The following PLCH2 variants were observed in gnomAD, a reference collection of about 807,000 sequenced individuals.
PLCH2 encodes 1-phosphatidylinositol 4,5-bisphosphate phosphodiesterase eta-2.
In PLCH2, 98 loss-of-function variants were observed where a neutral mutation model predicts 134.7. That is an observed-to-expected ratio of 0.73 (90% CI 0.62 to 0.86). The LOEUF (loss-of-function observed/expected upper bound fraction) is 0.86. Ranked by LOEUF, PLCH2 falls within the 40% of genes least tolerant of loss-of-function variation. The probability of loss-of-function intolerance (pLI) is 0.00; values close to 1 mark genes in which losing one functional copy is unlikely to be tolerated. For missense variants in PLCH2, 1,994 were observed against 1,986.6 expected (o/e 1.00, Z -0.07); for synonymous variants, 974 against 827.5 (o/e 1.18, Z -3.04).
the PLCH2 span, among the ~76,000 whole-genome samples, chr1:2,418,009 A>C: frequency 6.6e-6 from 1 of 152,176 alleles, no homozygotes; most frequent in Admixed American, 6.5e-5. Context: ...TCTGGTGAGA[A>C]GAGGCTGAGC....
Position 2,504,358 on chromosome 1 carries a change from G to A in PLCH2, c.3396G>A (p.Gln1132=), listed in dbSNP as rs1382627348. The part of the protein sequence containing the change: ...SDATGSDPLW[Q]RLEPCGHRDS... ...CCACGGGCAGTGACCCGCTGTGGCA[G>A]CGGCTGGAGCCATGTGGCCACCGAG... The change falls in exon 22 of 22, where the codon CAG becomes CAA. Residue 1132 remains glutamine, a synonymous_variant. Coordinates refer to ENST00000378486, the MANE Select transcript of PLCH2 (RefSeq NM_014638.4). 27 of 1,610,306 alleles carry A rather than the reference G, an allele frequency of 1.7e-5. No homozygotes were observed. The highest frequency in any genetic ancestry group is 2.3e-5 in the Non-Finnish European group (27 of 1,179,520).
chr1:2,472,987 G>T (rs116124934), upstream of PLCH2, among the ~76,000 whole-genome samples: 1 of 152,144 alleles, frequency 6.6e-6, no homozygotes, highest in East Asian at 1.9e-4. Context: ...TTCCCCAGGG[G>T]AGAGGCGGAG....
chr1:2,483,763 T>TGGGGGGGCGCTGACCCCCGTG (rs1558004576), intron 4 of PLCH2, among the ~76,000 whole-genome samples: 1 of 34,478 alleles, frequency 2.9e-5, no homozygotes, highest in Non-Finnish European at 6.2e-5. Context: ...TGACCCCCGT[T>TGGGGGGGCGCTGACCCCCGTG]TGGGGGGGCG....
chr1:2,497,322 T>G (rs1642950308), intron 15 of PLCH2, among the ~76,000 whole-genome samples, 180 bp from the exon 16 acceptor site: 1 of 152,156 alleles, frequency 6.6e-6, no homozygotes, highest in Admixed American at 6.5e-5. Context: ...CTCCAGGATG[T>G]GCTGGCCTCA....
chr1:2,498,530 C>T lies in PLCH2; in HGVS notation c.2232C>T (p.Phe744=). 6.2e-7 allele frequency: 1 copy of T among 1,608,040 alleles called. No individual in the cohort carries two copies. Among genetic ancestry groups the T allele is most frequent in the Non-Finnish European group, 8.5e-7 (1 of 1,178,934 alleles). ...LKPGCMCQGV[F]NPNSEDPLPG... ...TCCCCGGCATCCCCTCAGGCGTGTT[C>T]AACCCCAACTCGGAGGACCCCCTGC... The change falls in exon 17 of 22, where the codon TTC becomes TTT. Residue 744 remains phenylalanine (F), a synonymous_variant. Coordinates refer to ENST00000378486, the MANE Select transcript of PLCH2 (RefSeq NM_014638.4). The surrounding 1 kb of genome is among the most constrained non-coding windows in gnomAD (Gnocchi z 5.4).
chr1:2,418,114 C>T, the PLCH2 span, among the ~76,000 whole-genome samples: 4 of 152,330 alleles, frequency 2.6e-5, no homozygotes, highest in Admixed American at 6.5e-5. Flanking sequence ...GACGTGTGAC[C>T]GGTGCGAGGC....
intron 2 of PLCH2, among the ~76,000 whole-genome samples, chr1:2,442,034 C>T (rs1013251989): frequency 9.9e-5 from 15 of 152,180 alleles, no homozygotes; most frequent in Non-Finnish European, 1.9e-4. Flanking sequence ...CTGCCTGGTG[C>T]TCCTGGAAAG....
At chr1:2,478,949 C>T (rs775465699) in intron 2 of PLCH2, 2 of 350,622 alleles carry the variant, frequency 5.7e-6, no homozygotes, top group Admixed American at 4.1e-5. Flanking sequence ...TAAACAGAAA[C>T]GACCCCCACA....
Position 2,479,685 on chromosome 1 carries a change from G to A in PLCH2, c.272-49G>A, listed in dbSNP as rs769719383. 17 of 1,502,200 alleles carry A rather than the reference G, an allele frequency of 1.1e-5. No individual in the cohort carries two copies. The South Asian group carries it at 1.8e-4, about 16-fold the overall frequency. The allele number at this position is 1,502,200 out of a possible 1,614,324, so 93.1% of individuals were successfully genotyped here. A position where few individuals can be genotyped will look rare whatever the true frequency, so the allele number is the denominator to read the frequency against. Reference sequence around the variant, plus strand: ...GCAGTGTTGGGGCTGCCAGCAGGGGGACGCTGGGCCCCCGGGGACCTGACC... The same window carrying A: ...GCAGTGTTGGGGCTGCCAGCAGGGGAACGCTGGGCCCCCGGGGACCTGACC... On this transcript the variant is annotated intron_variant, in intron 2 of 21. Transcript: ENST00000378486.
rs958848256 is a variant in PLCH2 at position 2,448,545 on chromosome 1, T to G, written c.115+17916T>G. On this transcript the variant is annotated intron_variant, in intron 2 of 3. Transcript: ENST00000609981. The surrounding 1 kb of genome is among the most constrained non-coding windows in gnomAD (Gnocchi z 4.0). ...TCACTGAGCACGCCCTCAGAGACCCTTTTTCCAAATAAGGCCAAATTCACA... is the reference window on the plus strand; with the variant it reads ...TCACTGAGCACGCCCTCAGAGACCCGTTTTCCAAATAAGGCCAAATTCACA... Among the ~76,000 whole-genome samples the G allele has an allele frequency of 6.6e-6, 1 of 152,134 alleles. No individual in the cohort carries two copies. Among genetic ancestry groups the G allele is most frequent in the Non-Finnish European group, 1.5e-5 (1 of 68,020 alleles).
At position 2,476,642 on chromosome 1, in the gene PLCH2, G is replaced by C. The variant is rs1641642688; in HGVS notation, c.54G>C (p.Trp18Cys). 2 of 1,606,822 alleles carry C rather than the reference G, an allele frequency of 1.2e-6. No homozygotes were observed. The highest frequency in any genetic ancestry group is 2.7e-5 in the African/African-American group (2 of 74,972). ...PDSRTKGTVAWLAEVLLWVGG... is the reference protein window; with the variant it reads ...PDSRTKGTVACLAEVLLWVGG... The stretch of plus-strand genomic sequence containing the variant: ...GCCGGACCAAGGGAACGGTGGCCTG[G>C]CTGGCGGAGGTACTCCTCTGGGTTG... The change falls in exon 1 of 22, where the codon TGG (tryptophan) becomes TGC (cysteine). Residue 18 changes from tryptophan to cysteine, a missense_variant. This residue lies in a region of PLCH2 where 1,094 missense variants were observed against 1,234.3 expected (regional missense o/e 0.89). Transcript: ENST00000378486.
chr1:2,489,099 A>AC lies in PLCH2; in HGVS notation c.1236-104dup. 9 of 994,262 alleles carry AC rather than the reference A, an allele frequency of 9.1e-6. 1 individual carries two copies. The Middle Eastern group carries it at 2.3e-3, about 250-fold the overall frequency. The allele number at this position is 994,262 out of a possible 1,614,324, so 61.6% of individuals were successfully genotyped here. ...CAGCTATCCTGGGTTCCTGGTGAAG[A>AC]CCCCTCCTCATTCAATGGTTTAGAT... On this transcript the variant is annotated intron_variant, in intron 8 of 21. Transcript: ENST00000378486.
intron 2 of PLCH2, among the ~76,000 whole-genome samples, chr1:2,440,628 C>T (rs1031200010): frequency 5.8e-5 from 5 of 86,272 alleles, no homozygotes; most frequent in East Asian, 1.3e-3. Flanking sequence ...TGGCCTTGCC[C>T]GGCCCGCCAG....
chr1:2,432,325 C>G (rs778148641), intron 2 of PLCH2, among the ~76,000 whole-genome samples: 2 of 152,184 alleles, frequency 1.3e-5, no homozygotes, highest in Non-Finnish European at 2.9e-5. Context: ...AGCACTCCGG[C>G]TGGGACTGGG....
intron 2 of PLCH2, among the ~76,000 whole-genome samples, chr1:2,432,431 C>G (rs568548610): frequency 6.6e-6 from 1 of 152,220 alleles, no homozygotes; most frequent in Non-Finnish European, 1.5e-5. Flanking sequence ...CAGCACACCC[C>G]GTCCCCTGTG....
rs1640057618 is a variant in PLCH2, at chr1:2,448,711, C to G, written c.115+18082C>G. On this transcript the variant is annotated intron_variant, in intron 2 of 3. Transcript: ENST00000609981. This position sits in a 1 kb window ranked among gnomAD's most constrained non-coding sequence, Gnocchi z 4.0. ...AGGTCCCACAGGCCCCCTGGCGCAG[C>G]CTCCTGGCTCCCCACCATCCCCCCT... 6.6e-6 allele frequency among the ~76,000 whole-genome samples: 1 copy of G among 151,980 alleles called. No homozygotes were observed. The highest frequency in any genetic ancestry group is 6.6e-5 in the Admixed American group (1 of 15,262).
chr1:2,487,373 G>A lies in PLCH2; in HGVS notation c.1111G>A (p.Glu371Lys). 6.2e-7 allele frequency: 1 copy of A among 1,612,316 alleles called. No individual in the cohort carries two copies. The highest frequency in any genetic ancestry group is 8.5e-7 in the Non-Finnish European group (1 of 1,179,178). ...WVLQAGCRCV[E>K]VDCWDGPDGE... ...CCTGCAGGCTGGCTGCCGCTGCGTGGAGGGTAAGCCCTGGACCTTGGGTGA... is the reference window on the plus strand; with the variant it reads ...CCTGCAGGCTGGCTGCCGCTGCGTGAAGGGTAAGCCCTGGACCTTGGGTGA... Residue 371 changes from glutamate (E) to lysine (K), a missense_variant, in exon 7 of 22, where the codon GAG (glutamate) becomes AAG (lysine). Physicochemically the swap from Glu to Lys is moderately conservative, Grantham distance 56. Around this residue, in one of 2 missense-constraint regions of PLCH2, gnomAD observed 1,094 missense variants for 1,234.3 expected, o/e 0.89. Coordinates refer to ENST00000378486, the MANE Select transcript of PLCH2 (RefSeq NM_014638.4).
chr1:2,442,797 T>C (rs916448223), intron 2 of PLCH2, among the ~76,000 whole-genome samples: 1 of 152,090 alleles, frequency 6.6e-6, no homozygotes, highest in Non-Finnish European at 1.5e-5. Context: ...GGAGGGTCTG[T>C]TGGGAAAGTT....
intron 6 of PLCH2, 26 bp from the exon 7 acceptor site, chr1:2,487,147 G>A: frequency 6.5e-7 from 1 of 1,542,360 alleles, no homozygotes. Context: ...GGGCTGACAT[G>A]GCCCCTATGC....
Sources: gnomAD v4.1 joint callset for allele counts (sites outside exome capture counted in the v4.1 genomes callset) on GRCh38, gnomAD v4.1.1 for gene constraint, gnomAD v4.1.1 regional missense constraint, Gnocchi (gnomAD v3.1) non-coding constraint, MANE v1.5 for transcripts, NCBI Gene and HGNC (gene_info 2026-07-23, HGNC 2026-07-21) for gene names.